Variants in FGD4 observed in about 807,000 individuals in gnomAD.
FGD4 encodes FYVE, RhoGEF and PH domain-containing protein 4.
FGD4 carries 42 observed loss-of-function variants against 102.0 expected under a neutral mutation model. The ratio of observed to expected loss-of-function variants is 0.41; its 90% CI spans 0.32 to 0.53. FGD4 has a LOEUF of 0.53. Ranked by LOEUF, FGD4 falls within the 20% of genes least tolerant of loss-of-function variation. The pLI is 0.21. For missense variants in FGD4, 902 were observed against 1,078.2 expected, an observed-to-expected ratio of 0.84 and a Z score of 2.29; for synonymous variants, 380 against 375.7, an observed-to-expected ratio of 1.01 and a Z score of -0.13.
Position 32,640,813 on chromosome 12 carries a change from T to C in FGD4, c.*280T>C. 1 of 595,982 alleles carries C rather than the reference T, an allele frequency of 1.7e-6. No individual in the cohort carries two copies. Among genetic ancestry groups the C allele is most frequent in the Non-Finnish European group, 3.0e-6 (1 of 336,890 alleles). The allele number at this position is 595,982 out of a possible 1,614,324, so 36.9% of individuals were successfully genotyped here. ...CTTGAAGAAATGGTGTATCAATTGA[T>C]TCTGTCACCGTCAGGTTAGAATGAG... On this transcript the variant is annotated 3_prime_UTR_variant, in exon 17 of 17. Transcript: ENST00000534526.
At chr12:32,564,397 A>C in intron 2 of FGD4, 108 bp downstream of exon 2, 5 of 1,323,372 alleles carry the variant, frequency 3.8e-6, no homozygotes, top group South Asian at 3.0e-5. Context: ...GAAGGAAGGA[A>C]TTGGGTACAT....
chr12:32,443,347 T>G (rs1373161074), intron 1 of FGD4, among the ~76,000 whole-genome samples: 1 of 151,984 alleles, frequency 6.6e-6, no homozygotes, highest in Admixed American at 6.6e-5. Flanking sequence ...CCCCTGGTTT[T>G]TTTGGTTTAT....
chr12:32,638,753 C>T lies in FGD4; in HGVS notation c.2412C>T (p.Pro804=). The T allele has an allele frequency of 6.2e-7, 1 of 1,614,154 alleles. No individual in the cohort carries two copies. The highest frequency in any genetic ancestry group is 8.5e-7 in the Non-Finnish European group (1 of 1,180,022). Residue 804 remains proline (P), a synonymous_variant, in exon 16 of 17, where the codon CCC becomes CCT. Transcript: ENST00000534526. ...KPWQKAWCVI[P]KQDPLVLYMY... Reference sequence around the variant, plus strand: ...GGCAGAAAGCTTGGTGTGTGATCCCCAAGCAAGACCCTCTTGTGCTGTACA... The same window carrying T: ...GGCAGAAAGCTTGGTGTGTGATCCCTAAGCAAGACCCTCTTGTGCTGTACA...
At chr12:32,546,208 C>A (rs775035163) in intron 1 of FGD4, among the ~76,000 whole-genome samples, 1 of 152,142 alleles carries the variant, frequency 6.6e-6, no homozygotes, top group African/African-American at 2.4e-5. Flanking sequence ...AGATTATGAG[C>A]CTGTTTCTCT....
At chr12:32,505,583 G>T (rs1042516999) in intron 1 of FGD4, among the ~76,000 whole-genome samples, 5 of 152,160 alleles carry the variant, frequency 3.3e-5, no homozygotes, top group African/African-American at 1.2e-4. Context: ...GTAGATTGTT[G>T]GAACCATTTC....
intron 2 of FGD4, among the ~76,000 whole-genome samples, chr12:32,570,147 A>C (rs1284204065): frequency 6.6e-6 from 1 of 150,812 alleles, no homozygotes; most frequent in African/African-American, 2.4e-5. Context: ...AGTTTGAGGC[A>C]GCAGAATTTC....
chr12:32,517,772 G>A (rs1232912051), intron 1 of FGD4, among the ~76,000 whole-genome samples: 1 of 152,078 alleles, frequency 6.6e-6, no homozygotes, highest in African/African-American at 2.4e-5. Context: ...TGTAGTCCCA[G>A]CTATTTGGGA....
chr12:32,639,933 A>G (rs1226765058), intron 16 of FGD4, among the ~76,000 whole-genome samples: 1 of 152,152 alleles, frequency 6.6e-6, no homozygotes, highest in Non-Finnish European at 1.5e-5. Flanking sequence ...TTTAGTAATG[A>G]GATTCTCATT....
intron 1 of FGD4, among the ~76,000 whole-genome samples, chr12:32,526,056 AGC>A (rs1194883794): frequency 6.6e-6 from 1 of 152,238 alleles, no homozygotes; most frequent in Non-Finnish European, 1.5e-5. Context: ...GAGGAATGCG[AGC>A]GCAGGGGGCA....
At chr12:32,633,790 A>C in intron 15 of FGD4, 101 bp downstream of exon 15, 26 of 1,073,018 alleles carry the variant, frequency 2.4e-5, no homozygotes, top group Non-Finnish European at 2.7e-5. Context: ...ATCTCAGCTC[A>C]CTGCAACCTC....
At chr12:32,634,211 A>T (rs1950661709) in intron 15 of FGD4, among the ~76,000 whole-genome samples, 10 of 152,142 alleles carry the variant, frequency 6.6e-5, no homozygotes, top group Admixed American at 6.5e-4. Context: ...CAGTAGCTAG[A>T]GCCAAATATT....
intron 1 of FGD4, among the ~76,000 whole-genome samples, chr12:32,530,934 AGCTTTG>A (rs1941727244): frequency 1.8e-5 from 2 of 109,808 alleles, no homozygotes; most frequent in South Asian, 2.9e-4. Flanking sequence ...TCAGTTTCCT[AGCTTTG>A]GTTTTTTTTT....
At chr12:32,537,826 A>G (rs1942430399) in intron 1 of FGD4, among the ~76,000 whole-genome samples, 1 of 152,198 alleles carries the variant, frequency 6.6e-6, no homozygotes, top group African/African-American at 2.4e-5. Context: ...GGATATAATA[A>G]TAGCCTCTCA....
chr12:32,447,170 T>G (rs913997408), intron 1 of FGD4, among the ~76,000 whole-genome samples: 2 of 152,188 alleles, frequency 1.3e-5, no homozygotes, highest in African/African-American at 4.8e-5. Flanking sequence ...GACCGATGAC[T>G]CCTTTGAGAA....
chr12:32,576,424 C>G lies in FGD4; in HGVS notation c.478C>G (p.Leu160Val), dbSNP rs765238074. 2 of 1,614,128 alleles carry G rather than the reference C, an allele frequency of 1.2e-6. No individual in the cohort carries two copies. Among genetic ancestry groups the G allele is most frequent in the Non-Finnish European group, 8.5e-7 (1 of 1,180,022 alleles). ...AGAAAAACCCAGTAAGGTATCAGATCTCATCAGTCGCTTTGAAGGAGGCAG... is the reference window on the plus strand; with the variant it reads ...AGAAAAACCCAGTAAGGTATCAGATGTCATCAGTCGCTTTGAAGGAGGCAG... ...SKEKPSKVSDLISRFEGGSSL... is the reference protein window; with the variant it reads ...SKEKPSKVSDVISRFEGGSSL... The change falls in exon 3 of 17, where the codon CTC becomes GTC. Residue 160 changes from leucine to valine, a missense_variant. Physicochemically the swap from Leu to Val is conservative, Grantham distance 32. Coordinates refer to ENST00000534526, the MANE Select transcript of FGD4 (RefSeq NM_001370298.3).
chr12:32,528,026 G>A (rs1941435537), intron 1 of FGD4, among the ~76,000 whole-genome samples: 1 of 151,876 alleles, frequency 6.6e-6, no homozygotes, highest in Admixed American at 6.6e-5. Flanking sequence ...GTGCAGTGCT[G>A]TGATCTCAGG....
chr12:32,520,971 T>C (rs901886130), intron 1 of FGD4, among the ~76,000 whole-genome samples: 13 of 152,150 alleles, frequency 8.5e-5, no homozygotes, highest in African/African-American at 3.1e-4. Flanking sequence ...ATTTTACTTG[T>C]TTGCTCTCCC....
At chr12:32,563,475 G>C (rs1324242922) in intron 1 of FGD4, among the ~76,000 whole-genome samples, 1 of 151,430 alleles carries the variant, frequency 6.6e-6, no homozygotes, top group East Asian at 2.0e-4. Context: ...TCACTTCCTA[G>C]ATGAGATGGC....
chr12:32,456,510 C>T (rs1049126373), intron 1 of FGD4, among the ~76,000 whole-genome samples: 3 of 152,094 alleles, frequency 2.0e-5, no homozygotes, highest in African/African-American at 4.8e-5. Context: ...AGAATTTATT[C>T]TGCTCAAAAC....
Sources: gnomAD v4.1 joint callset for allele counts (sites outside exome capture counted in the v4.1 genomes callset) on GRCh38, gnomAD v4.1.1 for gene constraint, MANE v1.5 for transcripts, NCBI Gene and HGNC (gene_info 2026-07-23, HGNC 2026-07-21) for gene names.